The following SAMD5 variants were observed in gnomAD, a reference collection of about 807,000 sequenced individuals.
SAMD5 encodes the protein sterile alpha motif domain containing 5.
SAMD5 carries 13 observed loss-of-function variants against 11.3 expected under a neutral mutation model. The observed-to-expected ratio is 1.15, with a 90% confidence interval of 0.75 to 1.83. SAMD5 has a LOEUF of 1.83. SAMD5 is among the 40% of genes most tolerant of loss of function. The pLI is 0.00. For missense variants in SAMD5, 255 were observed against 239.1 expected, an observed-to-expected ratio of 1.07 and a Z score of -0.44; for synonymous variants, 129 against 111.3, an observed-to-expected ratio of 1.16 and a Z score of -1.00.
At chr6:147,560,545 C>T (rs1241580318) in intron 1 of SAMD5, among the ~76,000 whole-genome samples, 1 of 152,188 alleles carries the variant, frequency 6.6e-6, no homozygotes, top group Non-Finnish European at 1.5e-5. Flanking sequence ...AATTGAGCTA[C>T]ATCCTTTAGA....
At chr6:147,586,064 G>A (rs1789369244) in intron 1 of SAMD5, among the ~76,000 whole-genome samples, 2 of 152,172 alleles carry the variant, frequency 1.3e-5, no homozygotes, top group Non-Finnish European at 1.5e-5. Context: ...CTTCCTCAAG[G>A]ATGGCCATTG....
intron 1 of SAMD5, among the ~76,000 whole-genome samples, chr6:147,608,834 T>C (rs1450879124): frequency 6.6e-6 from 1 of 152,178 alleles, no homozygotes; most frequent in African/African-American, 2.4e-5. Flanking sequence ...TATAAATTCT[T>C]GAGGGGATAG....
intron 1 of SAMD5, among the ~76,000 whole-genome samples, chr6:147,582,098 C>G (rs1017604932): frequency 5.4e-5 from 8 of 146,804 alleles, no homozygotes; most frequent in African/African-American, 2.0e-4. Context: ...GTGGCTTACA[C>G]CTGTAATCCC....
intron 1 of SAMD5, among the ~76,000 whole-genome samples, chr6:147,670,215 A>G (rs1281157536): frequency 6.6e-6 from 1 of 152,242 alleles, no homozygotes; most frequent in Non-Finnish European, 1.5e-5. Flanking sequence ...TGGGCTTAAA[A>G]TATTCAATAA....
the SAMD5 span, among the ~76,000 whole-genome samples, chr6:147,786,435 G>A: frequency 6.6e-6 from 1 of 152,274 alleles, no homozygotes; most frequent in East Asian, 1.9e-4. Flanking sequence ...ACTTCATTTT[G>A]TGAGGCGAAT....
chr6:147,918,994 A>G, the SAMD5 span, among the ~76,000 whole-genome samples: 1 of 152,116 alleles, frequency 6.6e-6, no homozygotes, highest in Non-Finnish European at 1.5e-5. Context: ...CATGAGTCAC[A>G]AGAATTGCAT....
chr6:147,782,049 A>G, the SAMD5 span, among the ~76,000 whole-genome samples: 1 of 152,094 alleles, frequency 6.6e-6, no homozygotes, highest in East Asian at 1.9e-4. Flanking sequence ...GTTCTTTAAA[A>G]AAGTCATTCC....
chr6:147,574,188 A>T (rs754846524), downstream of SAMD5, among the ~76,000 whole-genome samples: 1 of 152,118 alleles, frequency 6.6e-6, no homozygotes, highest in Non-Finnish European at 1.5e-5. Context: ...ACATCAAAAA[A>T]TATGGTTGCC....
intron 1 of SAMD5, among the ~76,000 whole-genome samples, chr6:147,669,673 C>A (rs1055392953): frequency 6.6e-6 from 1 of 151,944 alleles, no homozygotes; most frequent in Non-Finnish European, 1.5e-5. Context: ...TCAGGTAATC[C>A]CCTCGCCTCA....
chr6:147,715,585 T>C (rs970582569), intron 1 of SAMD5, among the ~76,000 whole-genome samples: 1 of 152,188 alleles, frequency 6.6e-6, no homozygotes, highest in Non-Finnish European at 1.5e-5. Flanking sequence ...GTCACCCACA[T>C]TGAGGCGAGC....
At chr6:147,770,042 GCTTTA>G in the SAMD5 span, among the ~76,000 whole-genome samples, 4 of 152,140 alleles carry the variant, frequency 2.6e-5, no homozygotes, top group South Asian at 6.2e-4. Flanking sequence ...CTGCTTACTG[GCTTTA>G]CTTTAGTTTC....
Position 147,566,237 on chromosome 6 carries a change from A to G in SAMD5, c.*1781A>G. On this transcript the variant is annotated 3_prime_UTR_variant, in exon 2 of 2. Coordinates refer to ENST00000367474, the MANE Select transcript of SAMD5 (RefSeq NM_001030060.3). The stretch of plus-strand genomic sequence containing the variant: ...AGCATGTATAGGTTGTCCTTAAATT[A>G]TACAAAAGCTTTTAGTTTCATCAGG... The G allele has an allele frequency of 2.0e-6, 2 of 978,466 alleles. No individual in the cohort carries two copies. Among genetic ancestry groups the G allele is most frequent in the South Asian group, 4.7e-5 (1 of 21,150 alleles). 60.6% of individuals were successfully genotyped at this position (978,466 alleles called of 1,614,324 possible).
intron 1 of SAMD5, among the ~76,000 whole-genome samples, chr6:147,621,013 T>C (rs1789955152): frequency 6.6e-6 from 1 of 150,890 alleles, no homozygotes. Context: ...TGCGCGCGCA[T>C]GTAGGGAAAA....
rs959384740 is a variant in SAMD5, at chr6:147,679,802, A to C, written c.163-57515A>C. 7.7e-5 allele frequency among the ~76,000 whole-genome samples: 11 copies of C among 143,776 alleles called. 1 individual carries two copies. Among genetic ancestry groups the C allele is most frequent in the African/African-American group, 3.0e-4 (11 of 37,096 alleles). The allele number at this position is 143,776 out of a possible 152,430, so 94.3% of individuals were successfully genotyped here. ...TTGTGTATAATGTAAGGGATGGATA[A>C]AAACTTTTTTTTTTTTTCATGTGGG... On this transcript the variant is annotated intron_variant, in intron 1 of 1. Coordinates refer to the SAMD5 transcript ENST00000566741.
the SAMD5 span, among the ~76,000 whole-genome samples, chr6:147,910,148 A>G: frequency 3.3e-5 from 5 of 152,004 alleles, no homozygotes; most frequent in African/African-American, 1.2e-4. Context: ...AATGTTCTCA[A>G]TGACCACACT....
At chr6:147,609,570 G>C (rs1022350159) in intron 1 of SAMD5, among the ~76,000 whole-genome samples, 1 of 151,998 alleles carries the variant, frequency 6.6e-6, no homozygotes, top group African/African-American at 2.4e-5. Flanking sequence ...TTTTCTTTGA[G>C]ACGGAATCTC....
At chr6:147,666,501 A>G (rs947140891) in intron 1 of SAMD5, among the ~76,000 whole-genome samples, 1 of 152,114 alleles carries the variant, frequency 6.6e-6, no homozygotes, top group African/African-American at 2.4e-5. Context: ...GCTCCCTGTC[A>G]GAGAGCTTGC....
At chr6:147,643,735 G>GGGAAGGAAAGAAGGAA in intron 1 of SAMD5, among the ~76,000 whole-genome samples, 1 of 102,158 alleles carries the variant, frequency 9.8e-6, no homozygotes, top group East Asian at 3.4e-4. Context: ...AAGAGAAAGA[G>GGGAAGGAAAGAAGGAA]GGAAGGAAAG....
the SAMD5 span, among the ~76,000 whole-genome samples, chr6:147,940,202 ATTTTTTTT>A: frequency 3.0e-5 from 4 of 133,170 alleles, no homozygotes; most frequent in African/African-American, 5.6e-5. Context: ...GGCAGAATTC[ATTTTTTTT>A]TTTTTTTTTT....
Sources: gnomAD v4.1 joint callset for allele counts (sites outside exome capture counted in the v4.1 genomes callset) on GRCh38, gnomAD v4.1.1 for gene constraint, MANE v1.5 for transcripts, NCBI Gene and HGNC (gene_info 2026-07-23, HGNC 2026-07-21) for gene names.